The following ST6GALNAC3 variants were observed in gnomAD, a reference collection of about 807,000 sequenced individuals.
ST6GALNAC3 encodes alpha-N-acetylgalactosaminide alpha-2,6-sialyltransferase 3.
A neutral mutation model predicts 32.7 loss-of-function variants in ST6GALNAC3; 25 were observed. The observed-to-expected ratio is 0.76, with a 90% CI of 0.56 to 1.07. The LOEUF (loss-of-function observed/expected upper bound fraction) is 1.07, where lower values mean the gene tolerates loss of function less well. Among genes scored for constraint, ST6GALNAC3 ranks in the 50% least tolerant of loss-of-function variants. The pLI, the probability that ST6GALNAC3 is intolerant of heterozygous loss-of-function variation, is 0.00. For missense variants in ST6GALNAC3, 355 were observed against 382.4 expected (o/e 0.93, Z 0.60); for synonymous variants, 129 against 133.1 (o/e 0.97, Z 0.21).
At chr1:76,252,682 T>C (rs1177133148) in intron 1 of ST6GALNAC3, among the ~76,000 whole-genome samples, 1 of 152,116 alleles carries the variant, frequency 6.6e-6, no homozygotes, top group East Asian at 1.9e-4. Context: ...AATTTGTCCT[T>C]GGGGGTATTT....
At chr1:76,123,749 ATT>A (rs767734132) in intron 1 of ST6GALNAC3, among the ~76,000 whole-genome samples, 16 of 94,284 alleles carry the variant, frequency 1.7e-4, no homozygotes, top group Middle Eastern at 8.8e-3. Context: ...ACTCATTTTA[ATT>A]TTTTTTTTTT....
intron 3 of ST6GALNAC3, among the ~76,000 whole-genome samples, chr1:76,621,342 G>C (rs907617380): frequency 2.0e-5 from 3 of 151,778 alleles, no homozygotes; most frequent in African/African-American, 7.3e-5. Context: ...CTTTCACTTG[G>C]TTCATTCTCT....
At chr1:76,314,966 G>A (rs1013119558) in intron 2 of ST6GALNAC3, among the ~76,000 whole-genome samples, 1 of 151,978 alleles carries the variant, frequency 6.6e-6, no homozygotes, top group South Asian at 2.1e-4. Context: ...GCTAAGCTTG[G>A]TCTACCCCCT....
At chr1:76,077,270 T>A (rs1043873201) in intron 1 of ST6GALNAC3, among the ~76,000 whole-genome samples, 43 of 150,934 alleles carry the variant, frequency 2.8e-4, no homozygotes, top group Non-Finnish European at 5.0e-4. Flanking sequence ...TTTTTTTTTT[T>A]AATGAAATAT....
intron 1 of ST6GALNAC3, among the ~76,000 whole-genome samples, chr1:76,149,139 G>A (rs1650881545): frequency 6.6e-6 from 1 of 152,222 alleles, no homozygotes; most frequent in Admixed American, 6.5e-5. Context: ...TGATGCTGCT[G>A]CTTACTTTTC....
chr1:76,129,724 AT>A (rs917854176), intron 1 of ST6GALNAC3, among the ~76,000 whole-genome samples: 1 of 152,002 alleles, frequency 6.6e-6, no homozygotes, highest in South Asian at 2.1e-4. Flanking sequence ...CATGGCAAAG[AT>A]TTTTTTTCCA....
At chr1:76,495,705 T>C (rs987822706) in intron 3 of ST6GALNAC3, among the ~76,000 whole-genome samples, 15 of 152,240 alleles carry the variant, frequency 9.9e-5, no homozygotes, top group African/African-American at 3.6e-4. Context: ...TAAAGTCAAC[T>C]CGAAAATTGT....
intron 2 of ST6GALNAC3, among the ~76,000 whole-genome samples, chr1:76,410,408 G>C (rs1654149297): frequency 6.6e-6 from 1 of 151,668 alleles, no homozygotes; most frequent in Non-Finnish European, 1.5e-5. Flanking sequence ...GTCTTTTTCT[G>C]GTTACTCCAC....
At chr1:76,557,953 G>GA (rs904483434) in intron 3 of ST6GALNAC3, among the ~76,000 whole-genome samples, 17 of 152,086 alleles carry the variant, frequency 1.1e-4, no homozygotes, top group African/African-American at 3.6e-4. Context: ...GAATACAAAA[G>GA]ATGAAACATG....
At chr1:76,120,209 A>C (rs561153493) in intron 1 of ST6GALNAC3, among the ~76,000 whole-genome samples, 67 of 152,338 alleles carry the variant, frequency 4.4e-4, no homozygotes, top group Non-Finnish European at 7.6e-4. Context: ...GCAAGGCTGG[A>C]CTGGGGGAAC....
Position 76,628,949 on chromosome 1 carries a change from G to A in ST6GALNAC3, c.*143G>A, listed in dbSNP as rs915026359. 1.6e-5 allele frequency: 24 copies of A among 1,455,346 alleles called. No individual in the cohort carries two copies. Among genetic ancestry groups the A allele is most frequent in the Non-Finnish European group, 2.1e-5 (23 of 1,114,150 alleles). The allele number at this position is 1,455,346 out of a possible 1,614,324, so 90.2% of individuals were successfully genotyped here. A position where few individuals can be genotyped will look rare whatever the true frequency, so the allele number is the denominator to read the frequency against. Reference sequence around the variant, plus strand: ...TTCCTGTACACTCTCAGATGTGGATGGTGACTCTGCTAGTAATTTAAACTT... The same window carrying A: ...TTCCTGTACACTCTCAGATGTGGATAGTGACTCTGCTAGTAATTTAAACTT... On this transcript the variant is annotated 3_prime_UTR_variant, in exon 5 of 5. Transcript: ENST00000328299.
chr1:76,600,368 G>A (rs1269418980), intron 3 of ST6GALNAC3, among the ~76,000 whole-genome samples: 2 of 152,176 alleles, frequency 1.3e-5, no homozygotes, highest in Non-Finnish European at 2.9e-5. Flanking sequence ...GACTAAGAAA[G>A]TTAGACTAGT....
intron 2 of ST6GALNAC3, among the ~76,000 whole-genome samples, chr1:76,336,851 A>C (rs930116894): frequency 6.6e-6 from 1 of 152,190 alleles, no homozygotes; most frequent in Admixed American, 6.5e-5. Flanking sequence ...TCTGAATCTA[A>C]GGAGAAATCC....
intron 2 of ST6GALNAC3, among the ~76,000 whole-genome samples, chr1:76,343,634 G>T (rs913126326): frequency 1.3e-5 from 2 of 152,174 alleles, no homozygotes; most frequent in Non-Finnish European, 2.9e-5. Flanking sequence ...TGTCCCCAAG[G>T]TCAGAAGAAA....
At chr1:76,458,535 C>T (rs2101586302) in intron 3 of ST6GALNAC3, among the ~76,000 whole-genome samples, 1 of 143,240 alleles carries the variant, frequency 7.0e-6, no homozygotes, top group East Asian at 2.0e-4. Flanking sequence ...CACATATACA[C>T]CATGGAATAC....
At chr1:76,230,849 G>A (rs374002005) in intron 1 of ST6GALNAC3, among the ~76,000 whole-genome samples, 54 of 152,294 alleles carry the variant, frequency 3.5e-4, no homozygotes, top group East Asian at 3.3e-3. Flanking sequence ...TGCTTACTAT[G>A]TGCACTGTCC....
At chr1:76,156,885 C>T (rs1230792598) in intron 1 of ST6GALNAC3, among the ~76,000 whole-genome samples, 1 of 152,222 alleles carries the variant, frequency 6.6e-6, no homozygotes, top group Non-Finnish European at 1.5e-5. Flanking sequence ...GCGCCCGCCA[C>T]CACGCCCGGC....
chr1:76,570,761 G>C (rs1018054300), intron 3 of ST6GALNAC3, among the ~76,000 whole-genome samples: 1 of 152,034 alleles, frequency 6.6e-6, no homozygotes, highest in African/African-American at 2.4e-5. Flanking sequence ...CACTCTGGTT[G>C]TTCTTTCTTC....
intron 1 of ST6GALNAC3, among the ~76,000 whole-genome samples, chr1:76,288,095 AGGCCAGACT>A (rs1659883755): frequency 2.6e-5 from 4 of 152,178 alleles, no homozygotes; most frequent in Non-Finnish European, 5.9e-5. Context: ...TTTGACTAAG[AGGCCAGACT>A]CTTCTGCTTA....
Sources: gnomAD v4.1 joint callset for allele counts (sites outside exome capture counted in the v4.1 genomes callset) on GRCh38, gnomAD v4.1.1 for gene constraint, MANE v1.5 for transcripts, NCBI Gene and HGNC (gene_info 2026-07-23, HGNC 2026-07-21) for gene names.